NEDD9: variants seen among roughly 807,000 people sequenced by gnomAD.
The protein encoded by NEDD9 is neural precursor cell expressed, developmentally down-regulated 9, also known as enhancer of filamentation 1.
Under a neutral mutation model 76.6 loss-of-function variants are expected in NEDD9, and 26 were observed. The observed-to-expected ratio is 0.34, with a 90% confidence interval of 0.25 to 0.47. NEDD9 has a LOEUF of 0.47. NEDD9 is among the 20% of genes least tolerant of loss of function. The probability of loss-of-function intolerance (pLI) is 1.00; values close to 1 mark genes in which losing one functional copy is unlikely to be tolerated. For synonymous variants in NEDD9, 392 were observed against 414.2 expected (o/e 0.95, Z 0.65); for missense variants, 937 against 1,058.5 (o/e 0.89, Z 1.59).
intron 1 of NEDD9, among the ~76,000 whole-genome samples, chr6:11,221,527 C>T (rs1759146133): frequency 6.6e-6 from 1 of 152,046 alleles, no homozygotes; most frequent in Admixed American, 6.6e-5. Flanking sequence ...CCATTCTAAC[C>T]CAATCTCCTT....
chr6:11,222,240 C>T (rs1759164360), intron 1 of NEDD9, among the ~76,000 whole-genome samples: 1 of 152,198 alleles, frequency 6.6e-6, no homozygotes, highest in African/African-American at 2.4e-5. Context: ...TTGTCCATCT[C>T]CCAGCCAGAA....
chr6:11,369,828 G>C (rs1040537527), intron 1 of NEDD9, among the ~76,000 whole-genome samples: 1 of 152,110 alleles, frequency 6.6e-6, no homozygotes, highest in Non-Finnish European at 1.5e-5. Context: ...GTATTCCAAA[G>C]TGTGGATTGC....
upstream of NEDD9, chr6:11,232,771 C>A: frequency 7.8e-7 from 1 of 1,283,956 alleles, no homozygotes; most frequent in Non-Finnish European, 1.0e-6. Flanking sequence ...CTGCCCACCC[C>A]TAATTCTGAA....
chr6:11,225,773 T>C (rs1759290596), intron 1 of NEDD9, among the ~76,000 whole-genome samples: 1 of 151,630 alleles, frequency 6.6e-6, no homozygotes, highest in Non-Finnish European at 1.5e-5. Flanking sequence ...AGTGCTGGGA[T>C]TACAGGTGTG....
chr6:11,232,139 G>C (rs1173258909), intron 1 of NEDD9, among the ~76,000 whole-genome samples: 1 of 152,198 alleles, frequency 6.6e-6, no homozygotes, highest in East Asian at 1.9e-4. Context: ...CCCCAGGGCA[G>C]TGGAAGCCAG....
At chr6:11,191,535 T>TC (rs927685241) in intron 4 of NEDD9, among the ~76,000 whole-genome samples, 2 of 152,132 alleles carry the variant, frequency 1.3e-5, no homozygotes, top group African/African-American at 4.8e-5. Context: ...ACCAGAGTTC[T>TC]CCCCCGGTCT....
chr6:11,354,351 A>G (rs1215106268), intron 1 of NEDD9, among the ~76,000 whole-genome samples: 1 of 152,234 alleles, frequency 6.6e-6, no homozygotes, highest in Non-Finnish European at 1.5e-5. Flanking sequence ...TTGGGAGCCC[A>G]GCAAAGGGCT....
chr6:11,325,085 G>A (rs1761893365), intron 2 of NEDD9, among the ~76,000 whole-genome samples: 1 of 152,194 alleles, frequency 6.6e-6, no homozygotes, highest in South Asian at 2.1e-4. Context: ...GCCGGGCACG[G>A]TGGATTACGC....
intron 2 of NEDD9, chr6:11,200,984 C>A (rs1758433910): frequency 1.2e-6 from 2 of 1,614,230 alleles, no homozygotes; most frequent in Middle Eastern, 1.6e-4. Context: ...TGGAGGTTCA[C>A]AAGCTGGTTT....
chr6:11,300,216 C>A (rs1174980008), intron 3 of NEDD9, among the ~76,000 whole-genome samples: 2 of 152,040 alleles, frequency 1.3e-5, no homozygotes, highest in Admixed American at 6.6e-5. Context: ...ATGACTCATG[C>A]ACAAGATTCA....
intron 1 of NEDD9, among the ~76,000 whole-genome samples, chr6:11,367,268 T>G (rs1038077330): frequency 1.3e-5 from 2 of 152,210 alleles, no homozygotes; most frequent in Non-Finnish European, 2.9e-5. Context: ...GTGATTTAGT[T>G]TCTGGGATTA....
chr6:11,226,421 C>G lies in NEDD9; in HGVS notation c.12+6083G>C, dbSNP rs145425820. Reference sequence around the variant, plus strand: ...TGGCGAGAAGTCCTGGTAATTCAGCCTATATGTTCTTGCAGAGTATTGCCT... The same window carrying G: ...TGGCGAGAAGTCCTGGTAATTCAGCGTATATGTTCTTGCAGAGTATTGCCT... On this transcript the variant is annotated intron_variant, in intron 1 of 6. Coordinates refer to ENST00000379446, the MANE Select transcript of NEDD9 (RefSeq NM_006403.4). Among the ~76,000 whole-genome samples, 8 of 152,312 alleles carry G rather than the reference C, an allele frequency of 5.3e-5. No homozygotes were observed. The East Asian group carries it at 1.5e-3, about 29-fold the overall frequency.
At chr6:11,250,654 C>T (rs1040689685) in intron 3 of NEDD9, among the ~76,000 whole-genome samples, 3 of 152,164 alleles carry the variant, frequency 2.0e-5, no homozygotes, top group African/African-American at 7.2e-5. Context: ...TAAGCTGAGT[C>T]CAGACCTGGC....
chr6:11,313,962 G>A (rs1374839155), intron 2 of NEDD9, among the ~76,000 whole-genome samples: 1 of 152,088 alleles, frequency 6.6e-6, no homozygotes, highest in Admixed American at 6.5e-5. Flanking sequence ...ATATGGATTT[G>A]GAGAACACAC....
chr6:11,362,283 T>C lies in NEDD9; in HGVS notation c.-214+19856A>G, dbSNP rs77656073. Among the ~76,000 whole-genome samples, 768 of 152,318 alleles carry C rather than the reference T, an allele frequency of 5.0e-3. 7 individuals carry two copies. The highest frequency in any genetic ancestry group is 0.015 in the African/African-American group (609 of 41,562). On this transcript the variant is annotated intron_variant, in intron 1 of 3. Coordinates refer to the NEDD9 transcript ENST00000397378. ...ATTTCAGAATGTTAGTCTCCAGAAC[T>C]GTAAGAAATAAACATATGATGTTTA...
rs139849018 is a variant in NEDD9 at position 11,359,653 on chromosome 6, C to G, written c.-214+22486G>C. 3.2e-3 allele frequency among the ~76,000 whole-genome samples: 488 copies of G among 152,332 alleles called. 2 individuals are homozygous for G. Among genetic ancestry groups the G allele is most frequent in the African/African-American group, 0.011 (465 of 41,576 alleles). On this transcript the variant is annotated intron_variant, in intron 1 of 3. Transcript: ENST00000397378. Reference sequence around the variant, plus strand: ...ACAGCAGCTCCTCAAGGGCTGCTTCCGCCATGGTTAAGGCAGAATAGAATA... The same window carrying G: ...ACAGCAGCTCCTCAAGGGCTGCTTCGGCCATGGTTAAGGCAGAATAGAATA...
chr6:11,359,553 A>C (rs1390479786), intron 1 of NEDD9, among the ~76,000 whole-genome samples: 1 of 152,260 alleles, frequency 6.6e-6, no homozygotes, highest in Admixed American at 6.5e-5. Flanking sequence ...AGTTCCTCTC[A>C]TTCTCTGTAC....
chr6:11,201,168 C>G, intron 2 of NEDD9: 1 of 1,136,712 alleles, frequency 8.8e-7, no homozygotes, highest in East Asian at 2.4e-5. Flanking sequence ...CTCCTTAATG[C>G]AGAGCTGGCT....
intron 3 of NEDD9, among the ~76,000 whole-genome samples, chr6:11,302,795 G>A (rs1054282376): frequency 6.6e-6 from 1 of 152,144 alleles, no homozygotes. Flanking sequence ...TGCAGAAAAG[G>A]CCTTCGATAA....
Sources: gnomAD v4.1 joint callset for allele counts (sites outside exome capture counted in the v4.1 genomes callset) on GRCh38, gnomAD v4.1.1 for gene constraint, MANE v1.5 for transcripts, NCBI Gene and HGNC (gene_info 2026-07-23, HGNC 2026-07-21) for gene names.